The following LPAR1 variants were observed in gnomAD, a reference collection of about 807,000 sequenced individuals.
LPAR1 encodes lysophosphatidic acid receptor 1.
A neutral mutation model predicts 23.8 loss-of-function variants in LPAR1; 5 were observed. The observed-to-expected ratio is 0.21, with a 90% CI of 0.11 to 0.44. The LOEUF (loss-of-function observed/expected upper bound fraction) is 0.44. LPAR1 is among the 20% of genes least tolerant of loss of function. LPAR1 has a pLI of 0.99. For synonymous variants in LPAR1, 160 were observed against 164.7 expected (o/e 0.97, Z 0.22); for missense variants, 311 against 482.8 (o/e 0.64, Z 3.33).
chr9:110,956,462 C>T (rs1256482358), intron 4 of LPAR1, among the ~76,000 whole-genome samples: 1 of 151,070 alleles, frequency 6.6e-6, no homozygotes, highest in African/African-American at 2.4e-5. Context: ...AAGATTAGGG[C>T]AAAACTAAAT....
intron 2 of LPAR1, among the ~76,000 whole-genome samples, chr9:111,023,915 T>C (rs1343392906): frequency 2.6e-5 from 4 of 152,178 alleles, no homozygotes; most frequent in Admixed American, 6.6e-5. Context: ...ACTAAAAAGT[T>C]TGAAAGCCAC....
At chr9:110,906,015 T>G (rs534168323) in intron 5 of LPAR1, among the ~76,000 whole-genome samples, 105 of 152,342 alleles carry the variant, frequency 6.9e-4, no homozygotes, top group African/African-American at 2.5e-3. Flanking sequence ...GCTATTATAA[T>G]CCAGGAGCAT....
chr9:110,899,616 A>G (rs1390450850), intron 5 of LPAR1, among the ~76,000 whole-genome samples: 1 of 152,206 alleles, frequency 6.6e-6, no homozygotes, highest in African/African-American at 2.4e-5. Flanking sequence ...TATCAACTTC[A>G]ATGTGTACAC....
intron 5 of LPAR1, among the ~76,000 whole-genome samples, chr9:110,888,956 G>C (rs941369036): frequency 6.6e-6 from 1 of 152,208 alleles, no homozygotes; most frequent in Admixed American, 6.5e-5. Flanking sequence ...AACATCGAGA[G>C]AGCAGGAAAG....
chr9:111,012,469 GCACACA>G lies in LPAR1; in HGVS notation c.-182+23647_-182+23652del, dbSNP rs3030186. ...CACACACATGCATGTACGCACGCGC[GCACACA>G]CACACACACACACACACACATACAC... On this transcript the variant is annotated intron_variant, in intron 2 of 5. Transcript: ENST00000683809. Among the ~76,000 whole-genome samples the G allele has an allele frequency of 4.8e-3, 716 of 149,908 alleles. 3 individuals are homozygous for G. Among genetic ancestry groups the G allele is most frequent in the African/African-American group, 0.01 (423 of 40,934 alleles).
At chr9:110,905,690 C>T (rs1002520138) in intron 5 of LPAR1, among the ~76,000 whole-genome samples, 5 of 152,114 alleles carry the variant, frequency 3.3e-5, no homozygotes, top group African/African-American at 9.7e-5. Flanking sequence ...ACCTTAATTG[C>T]ACCATTTACC....
At chr9:110,966,200 G>T (rs992241387) in intron 4 of LPAR1, among the ~76,000 whole-genome samples, 1 of 152,092 alleles carries the variant, frequency 6.6e-6, no homozygotes, top group Non-Finnish European at 1.5e-5. Flanking sequence ...TAGATGATGG[G>T]CCGGGCATGC....
Position 110,874,382 on chromosome 9 carries a change from A to G in LPAR1, c.*1039T>C, listed in dbSNP as rs2078681804. On this transcript the variant is annotated 3_prime_UTR_variant, in exon 6 of 6. Coordinates refer to ENST00000683809, the MANE Select transcript of LPAR1 (RefSeq NM_001351411.2). ...AAGATCTACTTATAAAACTGTTTAC[A>G]GTATGACTCCAATTATGTAAAAAAA... is the stretch of plus-strand genomic sequence containing the variant. 6.6e-6 allele frequency: 1 copy of G among 152,664 alleles called. No individual in the cohort carries two copies. Among genetic ancestry groups the G allele is most frequent in the Admixed American group, 6.5e-5 (1 of 15,282 alleles). The allele number at this position is 152,664 out of a possible 1,614,324, so 9.5% of individuals were successfully genotyped here.
chr9:110,952,311 C>T (rs1018628377), intron 4 of LPAR1, among the ~76,000 whole-genome samples: 22 of 152,220 alleles, frequency 1.4e-4, no homozygotes, highest in Middle Eastern at 3.4e-3. Flanking sequence ...CCAAAAGGGC[C>T]CTGAAACTGA....
intron 5 of LPAR1, among the ~76,000 whole-genome samples, chr9:110,890,408 T>A (rs2083741161): frequency 6.6e-6 from 1 of 152,156 alleles, no homozygotes; most frequent in Admixed American, 6.5e-5. Context: ...GTTCCCCAAG[T>A]ATTAACATTT....
intron 1 of LPAR1, chr9:111,037,700 C>A (rs1171873751): frequency 1.3e-5 from 2 of 152,230 alleles, no homozygotes; most frequent in African/African-American, 4.8e-5. Flanking sequence ...GGCGCAGGGA[C>A]CCCTCGGAGG....
chr9:110,954,867 T>A (rs2095686080), intron 4 of LPAR1, among the ~76,000 whole-genome samples: 1 of 152,122 alleles, frequency 6.6e-6, no homozygotes, highest in Non-Finnish European at 1.5e-5. Flanking sequence ...AGTCCTACAC[T>A]TGGAAGTGAC....
intron 2 of LPAR1, among the ~76,000 whole-genome samples, chr9:110,985,610 A>G (rs1205588267): frequency 1.3e-5 from 2 of 152,092 alleles, no homozygotes; most frequent in Non-Finnish European, 2.9e-5. Context: ...CAAAACTTAT[A>G]TAAGTAAACA....
intron 2 of LPAR1, among the ~76,000 whole-genome samples, chr9:111,028,244 A>G (rs1455074571): frequency 6.6e-6 from 1 of 151,758 alleles, no homozygotes; most frequent in Non-Finnish European, 1.5e-5. Context: ...GAGCACATCC[A>G]GCTAATTTTT....
At chr9:110,890,535 T>C in intron 5 of LPAR1, among the ~76,000 whole-genome samples, 1 of 152,178 alleles carries the variant, frequency 6.6e-6, no homozygotes, top group East Asian at 1.9e-4. Flanking sequence ...GGAATTGGCT[T>C]TGGGGATGAA....
intron 4 of LPAR1, among the ~76,000 whole-genome samples, chr9:110,947,653 A>G (rs1166638717): frequency 6.6e-6 from 1 of 152,234 alleles, no homozygotes; most frequent in African/African-American, 2.4e-5. Flanking sequence ...TGGGCATGGC[A>G]CTGCATTATG....
In LPAR1 at chr9:111,031,701, G is replaced by A. The variant is rs2141594487; in HGVS notation, c.-182+4421C>T. Among the ~76,000 whole-genome samples the A allele has an allele frequency of 1.3e-5, 2 of 152,312 alleles. 1 individual carries two copies. Among genetic ancestry groups the A allele is most frequent in the Middle Eastern group, 6.8e-3 (2 of 294 alleles). ...ATCTCAAACACAAGTTGGGTTAAAA[G>A]TAAGAATAGGGAAAATGAGATGGAA... On this transcript the variant is annotated intron_variant, in intron 2 of 5. Transcript: ENST00000683809.
At chr9:110,914,927 T>C (rs1021855697) in intron 5 of LPAR1, among the ~76,000 whole-genome samples, 2 of 152,012 alleles carry the variant, frequency 1.3e-5, no homozygotes, top group African/African-American at 4.8e-5. Flanking sequence ...TTCTAGCCAC[T>C]TGGCTTGAAA....
chr9:110,994,981 A>G (rs1263901136), intron 2 of LPAR1, among the ~76,000 whole-genome samples: 1 of 152,198 alleles, frequency 6.6e-6, no homozygotes, highest in Non-Finnish European at 1.5e-5. Context: ...GTGTTTTCAA[A>G]AAAGCTAAAG....
Sources: gnomAD v4.1 joint callset for allele counts (sites outside exome capture counted in the v4.1 genomes callset) on GRCh38, gnomAD v4.1.1 for gene constraint, MANE v1.5 for transcripts, NCBI Gene and HGNC (gene_info 2026-07-23, HGNC 2026-07-21) for gene names.